Variants in ADAMTSL1 observed in about 807,000 individuals in gnomAD.
The protein encoded by ADAMTSL1 is ADAMTS-like protein 1.
ADAMTSL1 carries 126 observed loss-of-function variants against 201.8 expected under a neutral mutation model. The observed-to-expected ratio is 0.62, with a 90% CI of 0.54 to 0.72. The LOEUF is 0.72. ADAMTSL1 is among the 30% of genes least tolerant of loss of function. The pLI is 0.00. For missense variants in ADAMTSL1, 2,679 were observed against 2,277.8 expected, an observed-to-expected ratio of 1.18 and a Z score of -3.59; for synonymous variants, 1,121 against 903.4, an observed-to-expected ratio of 1.24 and a Z score of -4.32.
At position 18,621,596 on chromosome 9, in the gene ADAMTSL1, A is replaced by G. The variant is rs1564095225; in HGVS notation, c.475-647A>G. ...CACACACACACACACACACACACAC[A>G]CACAGTAAGTTTGTATCTGTTTGCT... On this transcript the variant is annotated intron_variant, in intron 4 of 28. Transcript: ENST00000380548. Among the ~76,000 whole-genome samples the G allele has an allele frequency of 2.2e-5, 3 of 139,040 alleles. No individual in the cohort carries two copies. The South Asian group carries it at 7.6e-4, about 35-fold the overall frequency. 91.2% of individuals were successfully genotyped at this position (139,040 alleles called of 152,430 possible). A position where few individuals can be genotyped will look rare whatever the true frequency, so the allele number is the denominator to read the frequency against.
intron 16 of ADAMTSL1, among the ~76,000 whole-genome samples, chr9:18,755,936 T>C (rs888812950): frequency 9.3e-5 from 14 of 151,218 alleles, no homozygotes; most frequent in African/African-American, 3.4e-4. Flanking sequence ...GACACAATAA[T>C]TGTGAAAAAT....
At chr9:18,556,533 C>T (rs533270457) in intron 3 of ADAMTSL1, among the ~76,000 whole-genome samples, 1 of 151,994 alleles carries the variant, frequency 6.6e-6, no homozygotes, top group South Asian at 2.1e-4. Flanking sequence ...GACTTTGGAG[C>T]CTAATACTAT....
At chr9:18,668,858 C>A (rs1423647118) in intron 9 of ADAMTSL1, among the ~76,000 whole-genome samples, 1 of 152,174 alleles carries the variant, frequency 6.6e-6, no homozygotes, top group East Asian at 1.9e-4. Flanking sequence ...GGTTAGCGGG[C>A]TGGGGGTTGT....
intron 1 of ADAMTSL1, among the ~76,000 whole-genome samples, chr9:18,095,959 C>T (rs1228630381): frequency 6.6e-6 from 1 of 152,110 alleles, no homozygotes; most frequent in African/African-American, 2.4e-5. Context: ...GATTCTTATT[C>T]AGGACTATGG....
chr9:18,015,154 G>A (rs971369380), intron 1 of ADAMTSL1, among the ~76,000 whole-genome samples: 4 of 151,996 alleles, frequency 2.6e-5, no homozygotes, highest in African/African-American at 9.7e-5. Context: ...GTGAGACTGG[G>A]AGAAAGGAAG....
chr9:18,805,466 A>G (rs1258757963), intron 20 of ADAMTSL1, among the ~76,000 whole-genome samples: 1 of 152,234 alleles, frequency 6.6e-6, no homozygotes, highest in Admixed American at 6.5e-5. Flanking sequence ...TAGCAGAGAT[A>G]GTGCTGGTGA....
intron 3 of ADAMTSL1, among the ~76,000 whole-genome samples, chr9:18,565,520 C>T (rs1443049402): frequency 3.3e-5 from 5 of 149,562 alleles, no homozygotes; most frequent in Non-Finnish European, 5.9e-5. Flanking sequence ...TAAACTATAC[C>T]TAGTATACAT....
At chr9:18,783,105 G>A (rs72690552) in intron 19 of ADAMTSL1, among the ~76,000 whole-genome samples, 7,260 of 152,290 alleles carry the variant, frequency 0.048, 256 homozygotes, top group South Asian at 0.075. Context: ...TCGGGGGCTA[G>A]TAAGGGGCCA....
intron 2 of ADAMTSL1, among the ~76,000 whole-genome samples, chr9:18,329,015 C>T (rs1239447104): frequency 6.6e-6 from 1 of 152,106 alleles, no homozygotes; most frequent in Non-Finnish European, 1.5e-5. Context: ...GTTTACATCC[C>T]TCCAAAATTT....
At chr9:17,980,469 A>C (rs1818642361) in intron 1 of ADAMTSL1, among the ~76,000 whole-genome samples, 1 of 151,716 alleles carries the variant, frequency 6.6e-6, no homozygotes, top group Admixed American at 6.6e-5. Context: ...TTTGATTACT[A>C]GCTATACTTT....
At chr9:18,549,573 G>T (rs1820675162) in intron 3 of ADAMTSL1, among the ~76,000 whole-genome samples, 1 of 152,010 alleles carries the variant, frequency 6.6e-6, no homozygotes, top group African/African-American at 2.4e-5. Context: ...ATGTATGCAT[G>T]TTACATGGCT....
chr9:18,721,780 G>C, intron 15 of ADAMTSL1, 115 bp downstream of exon 15: 1 of 1,437,826 alleles, frequency 7.0e-7, no homozygotes. Flanking sequence ...AAACCAATTA[G>C]CATCAGTTCA....
rs984127457 is a variant in ADAMTSL1 at position 18,756,125 on chromosome 9, A to G, written c.2217+2617A>G. On this transcript the variant is annotated intron_variant, in intron 16 of 28. Transcript: ENST00000380548. ...TATATATATATATATATATATATACAAAAATTAGCCTGGTGTGGTGGCGGG... is the reference window on the plus strand; with the variant it reads ...TATATATATATATATATATATATACGAAAATTAGCCTGGTGTGGTGGCGGG... Among the ~76,000 whole-genome samples the G allele has an allele frequency of 2.5e-4, 27 of 108,022 alleles. 1 individual carries two copies. Among genetic ancestry groups the G allele is most frequent in the African/African-American group, 8.8e-4 (26 of 29,524 alleles). 70.9% of individuals were successfully genotyped at this position (108,022 alleles called of 152,430 possible).
chr9:18,047,623 G>A (rs1362828275), intron 1 of ADAMTSL1, among the ~76,000 whole-genome samples: 1 of 152,072 alleles, frequency 6.6e-6, no homozygotes, highest in Non-Finnish European at 1.5e-5. Context: ...TGGGGGTGGG[G>A]TGGGGTGATG....
chr9:17,988,238 T>C (rs1013644672), intron 1 of ADAMTSL1, among the ~76,000 whole-genome samples: 4 of 152,090 alleles, frequency 2.6e-5, no homozygotes, highest in Admixed American at 2.6e-4. Flanking sequence ...ATTGACTAAA[T>C]TGGAAAGAAT....
At chr9:18,219,350 T>C (rs952525473) in intron 2 of ADAMTSL1, among the ~76,000 whole-genome samples, 1 of 127,982 alleles carries the variant, frequency 7.8e-6, no homozygotes, top group African/African-American at 3.2e-5. Flanking sequence ...TATTTTTATT[T>C]ATTTATTTAT....
intron 1 of ADAMTSL1, among the ~76,000 whole-genome samples, chr9:18,011,045 A>T (rs1235571819): frequency 6.6e-6 from 1 of 152,028 alleles, no homozygotes; most frequent in East Asian, 1.9e-4. Flanking sequence ...AATTCTTTAG[A>T]ACACAGTCTT....
intron 5 of ADAMTSL1, among the ~76,000 whole-genome samples, chr9:18,632,771 G>A (rs1826857991): frequency 6.6e-6 from 1 of 152,122 alleles, no homozygotes; most frequent in Non-Finnish European, 1.5e-5. Context: ...ATAAGAGAAG[G>A]CTGTGGCTCT....
At chr9:18,544,973 A>G (rs1820385565) in intron 3 of ADAMTSL1, among the ~76,000 whole-genome samples, 1 of 152,192 alleles carries the variant, frequency 6.6e-6, no homozygotes, top group East Asian at 1.9e-4. Context: ...AGCTGATATG[A>G]GTCCCCTCTC....
Sources: allele counts gnomAD v4.1 joint callset (sites outside exome capture counted in the v4.1 genomes callset), GRCh38; gene constraint gnomAD v4.1.1; transcripts MANE v1.5; gene names NCBI Gene and HGNC (gene_info 2026-07-23, HGNC 2026-07-21).